Variants in MORC4 observed in about 807,000 individuals in gnomAD.
MORC4 encodes the protein MORC family CW-type zinc finger 4, also known as MORC family CW-type zinc finger protein 4.
Under a neutral mutation model 65.5 loss-of-function variants are expected in MORC4, and 22 were observed. The observed-to-expected ratio is 0.34, with a 90% CI of 0.24 to 0.48. The LOEUF (loss-of-function observed/expected upper bound fraction) is 0.48. Ranked by LOEUF, MORC4 falls within the 20% of genes least tolerant of loss-of-function variation. The probability of loss-of-function intolerance (pLI) is 0.99; values close to 1 mark genes in which losing one functional copy is unlikely to be tolerated. For synonymous variants in MORC4, 267 were observed against 255.8 expected (o/e 1.04, Z -0.42); for missense variants, 624 against 703.0 (o/e 0.89, Z 1.27).
chrX:106,972,534 AT>A (rs1328443731), intron 9 of MORC4, among the ~76,000 whole-genome samples: 1 of 111,733 alleles, frequency 8.9e-6, no homozygotes, highest in Non-Finnish European at 1.9e-5. Context: ...CAAAAAATAG[AT>A]ATAGGATTCC....
At chrX:106,959,674 G>C (rs745737910) in intron 10 of MORC4, among the ~76,000 whole-genome samples, 94 of 110,449 alleles carry the variant, frequency 8.5e-4, no homozygotes, top group Non-Finnish European at 1.4e-3. Context: ...GGTAGCTATG[G>C]GACTACAGGC....
At chrX:106,996,065 A>G (rs1184764243) in intron 2 of MORC4, among the ~76,000 whole-genome samples, 1 of 111,699 alleles carries the variant, frequency 9.0e-6, no homozygotes, top group Non-Finnish European at 1.9e-5. Flanking sequence ...ACACCTATCA[A>G]TTGCAACTAC....
chrX:106,949,447 TTC>T (rs1389303227), intron 14 of MORC4, among the ~76,000 whole-genome samples: 3 of 112,118 alleles, frequency 2.7e-5, no homozygotes, highest in Non-Finnish European at 5.6e-5. Context: ...ACTTCCCTGT[TTC>T]TCTTCATGTT....
intron 9 of MORC4, among the ~76,000 whole-genome samples, chrX:106,965,847 A>G (rs948847683): frequency 2.7e-5 from 3 of 112,422 alleles, no homozygotes; most frequent in Non-Finnish European, 5.6e-5. Context: ...TGTTAAAGGT[A>G]TTGCTAGTGA....
intron 2 of MORC4, 112 bp downstream of exon 2, chrX:106,999,565 A>ACCCCCCCCCCCGCCCCCCC: frequency 2.0e-6 from 1 of 491,215 alleles, no homozygotes. Flanking sequence ...CGAGGCCCCC[A>ACCCCCCCCCCCGCCCCCCC]CCCCAGCCCC....
chrX:106,981,023 C>A lies in MORC4; in HGVS notation c.808-4G>T, dbSNP rs182601241. ...TGTATAGAATACCACAAAATGCCTA[C>A]GGAACAGAATGGTGAAGGGAAAGTT... On this transcript the variant is annotated splice_region_variant and splice_polypyrimidine_tract_variant and intron_variant, in intron 6 of 16. Transcript: ENST00000355610. 2.5e-6 allele frequency: 3 copies of A among 1,206,419 alleles called. No homozygotes were observed. The highest frequency in any genetic ancestry group is 3.4e-6 in the Non-Finnish European group (3 of 893,443).
intron 9 of MORC4, 64 bp from the exon 10 acceptor site, chrX:106,962,174 A>G (rs1934264249): frequency 1.2e-6 from 1 of 824,880 alleles, no homozygotes; most frequent in South Asian, 2.2e-5. Context: ...TTGATCTTTG[A>G]GAAGTTCCCA....
At chrX:106,980,616 A>T (rs1934720929) in intron 7 of MORC4, among the ~76,000 whole-genome samples, 1 of 110,942 alleles carries the variant, frequency 9.0e-6, no homozygotes, top group South Asian at 3.8e-4. Context: ...AATAATTCTT[A>T]TTTTTTTTAA....
At position 106,986,021 on chromosome X, in the gene MORC4, G is replaced by T; in HGVS notation, c.488C>A (p.Ala163Glu). Residue 163 changes from alanine to glutamate, a missense_variant, in exon 4 of 17, where the codon GCA (alanine) becomes GAA (glutamate). By Grantham distance (107) the Ala-to-Glu change is moderately radical. Coordinates refer to ENST00000355610, the MANE Select transcript of MORC4 (RefSeq NM_024657.5). Reference sequence around the variant, plus strand: ...GAATGGAACAATTGGTACAATAACTGCCTGGGCCTGGACACATTCCAGATA... The same window carrying T: ...GAATGGAACAATTGGTACAATAACTTCCTGGGCCTGGACACATTCCAGATA... ...QTYLECVQAQAVIVPIVPFNQ... is the reference protein window; with the variant it reads ...QTYLECVQAQEVIVPIVPFNQ... 1 of 1,209,922 alleles carries T rather than the reference G, an allele frequency of 8.3e-7. No homozygotes were observed. Among genetic ancestry groups the T allele is most frequent in the Non-Finnish European group, 1.1e-6 (1 of 894,247 alleles).
Position 106,986,000 on chromosome X carries a change from G to A in MORC4, c.509C>T (p.Pro170Leu), listed in dbSNP as rs1052404028. ...AAGGATATTGTTTTGCTGGTTGAAT[G>A]GAACAATTGGTACAATAACTGCCTG... ...QAQAVIVPIVPFNQQNKKMII... is the reference protein window; with the variant it reads ...QAQAVIVPIVLFNQQNKKMII... Residue 170 changes from proline to leucine, a missense_variant, in exon 4 of 17, where the codon CCA (proline) becomes CTA (leucine). By Grantham distance (98) the Pro-to-Leu change is moderately conservative. Coordinates refer to ENST00000355610, the MANE Select transcript of MORC4 (RefSeq NM_024657.5). 8.3e-7 allele frequency: 1 copy of A among 1,204,355 alleles called. No homozygotes were observed. The highest frequency in any genetic ancestry group is 1.1e-6 in the Non-Finnish European group (1 of 891,629).
chrX:106,990,382 G>A (rs1353465098), intron 3 of MORC4, among the ~76,000 whole-genome samples: 2 of 109,115 alleles, frequency 1.8e-5, no homozygotes, highest in South Asian at 4.0e-4. Flanking sequence ...TCAGCCTCCC[G>A]AGTAGCAGGG....
chrX:106,942,396 A>G, intron 15 of MORC4, 119 bp downstream of exon 15: 1 of 878,414 alleles, frequency 1.1e-6, no homozygotes, highest in South Asian at 2.5e-5. Flanking sequence ...CACACCACAG[A>G]ATAGTTCAGG....
intron 9 of MORC4, among the ~76,000 whole-genome samples, chrX:106,972,067 C>T (rs1246321191): frequency 8.9e-6 from 1 of 111,935 alleles, no homozygotes; most frequent in Non-Finnish European, 1.9e-5. Flanking sequence ...TGGAACCAAC[C>T]CAAATGTCCA....
At position 106,943,125 on chromosome X, in the gene MORC4, T is replaced by C. The variant is rs751987859; in HGVS notation, c.1766A>G (p.Asp589Gly). ...CCTGTAAGGAGCAGGCATGGAATAA[T>C]CTAGAGAAGGTGTTGTCATCTCATT... ...LQNEMTTPSL[D>G]YSMPAPYRRV... Residue 589 changes from aspartate to glycine, a missense_variant, in exon 15 of 17, where the codon GAT becomes GGT. Transcript: ENST00000355610. 1.2e-5 allele frequency: 14 copies of C among 1,211,211 alleles called. No individual in the cohort carries two copies. The highest frequency in any genetic ancestry group is 4.6e-4 in the Middle Eastern group (2 of 4,346).
intron 4 of MORC4, 133 bp downstream of exon 4, chrX:106,985,850 C>T (rs1602504998): frequency 2.0e-6 from 1 of 497,523 alleles, no homozygotes. Flanking sequence ...AGAAAAATCC[C>T]AGTTAAATTT....
chrX:106,945,414 T>TTGTGAG (rs1933801268), intron 14 of MORC4, among the ~76,000 whole-genome samples: 2 of 83,242 alleles, frequency 2.4e-5, no homozygotes, highest in Non-Finnish European at 4.7e-5. Flanking sequence ...ACTTACTACT[T>TTGTGAG]TGTGTGTGTG....
At chrX:106,947,853 G>A (rs1933887720) in intron 14 of MORC4, among the ~76,000 whole-genome samples, 2 of 107,117 alleles carry the variant, frequency 1.9e-5, no homozygotes, top group Admixed American at 2.0e-4. Context: ...GAACTGTAGA[G>A]AGAAACAGAC....
At chrX:106,959,797 C>T (rs1435626468) in intron 10 of MORC4, among the ~76,000 whole-genome samples, 5 of 112,165 alleles carry the variant, frequency 4.5e-5, no homozygotes, top group Non-Finnish European at 9.4e-5. Flanking sequence ...GCCTCAGCCT[C>T]CCAAAGTGCT....
chrX:106,941,441 C>T lies in MORC4; in HGVS notation c.*38G>A. The T allele has an allele frequency of 1.9e-6, 2 of 1,074,526 alleles. No homozygotes were observed. The highest frequency in any genetic ancestry group is 2.5e-6 in the Non-Finnish European group (2 of 802,876). 88.6% of individuals were successfully genotyped at this position (1,074,526 alleles called of 1,213,427 possible). The stretch of plus-strand genomic sequence containing the variant: ...AGGGAGGGAGAGAAAAGAGAACAGA[C>T]AGAAGATAAGAGAAGAGAAGGGTAT... On this transcript the variant is annotated 3_prime_UTR_variant, in exon 17 of 17. Transcript: ENST00000355610.
Sources: allele counts gnomAD v4.1 joint callset (sites outside exome capture counted in the v4.1 genomes callset), GRCh38; gene constraint gnomAD v4.1.1; transcripts MANE v1.5; gene names NCBI Gene and HGNC (gene_info 2026-07-23, HGNC 2026-07-21).